The following ATP8A2 variants were observed in gnomAD, a reference collection of about 807,000 sequenced individuals.
ATP8A2 encodes the protein phospholipid-transporting ATPase IB.
A neutral mutation model predicts 165.6 loss-of-function variants in ATP8A2; 100 were observed. That is an observed-to-expected ratio of 0.60 (90% CI 0.51 to 0.71). ATP8A2 has a LOEUF of 0.71. ATP8A2 is among the 30% of genes least tolerant of loss of function. The probability of loss-of-function intolerance (pLI) is 0.00; values close to 1 mark genes in which losing one functional copy is unlikely to be tolerated. For missense variants in ATP8A2, 1,227 were observed against 1,479.5 expected (o/e 0.83, Z 2.80); for synonymous variants, 543 against 548.8 (o/e 0.99, Z 0.15).
chr13:25,482,061 G>A (rs916103134), intron 2 of ATP8A2, among the ~76,000 whole-genome samples: 12 of 152,086 alleles, frequency 7.9e-5, no homozygotes, highest in Admixed American at 1.3e-4. Flanking sequence ...ATAGAATTAC[G>A]TTGGGACACC....
At position 25,794,428 on chromosome 13, in the gene ATP8A2, C is replaced by T. The variant is rs531876701; in HGVS notation, c.2679+19469C>T. Among the ~76,000 whole-genome samples the T allele has an allele frequency of 1.4e-3, 217 of 152,290 alleles. 2 individuals are homozygous for T. Among genetic ancestry groups the T allele is most frequent in the Middle Eastern group, 6.8e-3 (2 of 294 alleles). ...CCCAGACTCAAAAATGACACCCTTT[C>T]GTATGATTTTGTATAAATGCATGAT... On this transcript the variant is annotated intron_variant, in intron 27 of 36. Transcript: ENST00000381655.
intron 25 of ATP8A2, among the ~76,000 whole-genome samples, chr13:25,716,124 C>A (rs1445264713): frequency 6.6e-6 from 1 of 152,172 alleles, no homozygotes; most frequent in African/African-American, 2.4e-5. Context: ...ACCAGAATAT[C>A]TTCCTTGGGA....
intron 25 of ATP8A2, among the ~76,000 whole-genome samples, chr13:25,733,692 G>T (rs1439678606): frequency 1.3e-5 from 2 of 152,118 alleles, no homozygotes; most frequent in African/African-American, 4.8e-5. Context: ...TGAAAACATT[G>T]TATCACTTAA....
Position 25,540,369 on chromosome 13 carries a change from C to T in ATP8A2, c.632C>T (p.Thr211Met), listed in dbSNP as rs367698939. ...GAAACAGCTAATCTGGATGGGGAGA[C>T]GAACCTTAAAATACGTCAGGTAAAG... ...YVETANLDGE[T>M]NLKIRQGLSH... is the part of the protein sequence containing the mutation. Residue 211 changes from threonine (T) to methionine (M), a missense_variant, in exon 8 of 37, where the codon ACG becomes ATG. Thr to Met is a moderately conservative substitution (Grantham distance 81). Around this residue, in one of 5 missense-constraint regions of ATP8A2, gnomAD observed 356 missense variants for 394.9 expected, o/e 0.90. Transcript: ENST00000381655. 1.4e-5 allele frequency: 22 copies of T among 1,613,330 alleles called. No individual in the cohort carries two copies. The highest frequency in any genetic ancestry group is 2.7e-5 in the African/African-American group (2 of 74,886).
chr13:25,596,614 C>T (rs902723411), intron 24 of ATP8A2, among the ~76,000 whole-genome samples: 3 of 151,918 alleles, frequency 2.0e-5, no homozygotes, highest in African/African-American at 4.8e-5. Flanking sequence ...TTCCTTTTTT[C>T]GCTGGGTATT....
At chr13:25,630,857 C>T (rs114318265) in intron 24 of ATP8A2, among the ~76,000 whole-genome samples, 110 of 152,050 alleles carry the variant, frequency 7.2e-4, no homozygotes, top group African/African-American at 2.5e-3. Context: ...CCTTAGGGTC[C>T]GCTTTCTCAT....
chr13:25,907,236 C>G (rs540737845), intron 33 of ATP8A2, among the ~76,000 whole-genome samples: 1 of 151,766 alleles, frequency 6.6e-6, no homozygotes, highest in Non-Finnish European at 1.5e-5. Flanking sequence ...GGCGACAGAG[C>G]GAGACTCCAT....
At chr13:26,019,603 C>T (rs1268888177) in intron 36 of ATP8A2, among the ~76,000 whole-genome samples, 1 of 152,172 alleles carries the variant, frequency 6.6e-6, no homozygotes, top group Non-Finnish European at 1.5e-5. Context: ...GATTCCCACA[C>T]TGAGCTCAGC....
intron 25 of ATP8A2, among the ~76,000 whole-genome samples, chr13:25,700,912 A>G (rs1415299459): frequency 2.6e-5 from 4 of 152,230 alleles, no homozygotes; most frequent in South Asian, 4.1e-4. Flanking sequence ...GTGGTATCGC[A>G]TTGTCCTTTT....
At chr13:25,571,518 A>T in intron 17 of ATP8A2, 92 bp from the exon 18 acceptor site, 1 of 890,034 alleles carries the variant, frequency 1.1e-6, no homozygotes, top group Non-Finnish European at 1.8e-6. Flanking sequence ...CTCCTTCAGT[A>T]GAGCGGATTT....
At chr13:25,626,203 A>G (rs1477685535) in intron 24 of ATP8A2, among the ~76,000 whole-genome samples, 2 of 152,138 alleles carry the variant, frequency 1.3e-5, no homozygotes, top group Admixed American at 6.5e-5. Context: ...GTCTTGGTCA[A>G]TTTTCTGTTG....
chr13:25,702,421 A>G (rs1378997245), intron 25 of ATP8A2, among the ~76,000 whole-genome samples: 1 of 152,188 alleles, frequency 6.6e-6, no homozygotes, highest in Admixed American at 6.5e-5. Context: ...TATTTTCCAT[A>G]TGGTTAAAAT....
intron 24 of ATP8A2, among the ~76,000 whole-genome samples, chr13:25,616,232 A>G (rs774558061): frequency 1.3e-5 from 2 of 151,722 alleles, no homozygotes; most frequent in East Asian, 1.9e-4. Context: ...CCACCCAACA[A>G]TCTTCCAGTC....
At chr13:25,839,243 A>G (rs566540148) in intron 29 of ATP8A2, among the ~76,000 whole-genome samples, 1 of 152,320 alleles carries the variant, frequency 6.6e-6, no homozygotes, top group African/African-American at 2.4e-5. Flanking sequence ...AATGCTAAAG[A>G]AAACTGATCA....
chr13:25,623,098 G>T (rs2041012878), intron 24 of ATP8A2, among the ~76,000 whole-genome samples: 1 of 152,138 alleles, frequency 6.6e-6, no homozygotes, highest in African/African-American at 2.4e-5. Context: ...AAAATGCCAG[G>T]ACTGGCCACG....
At chr13:25,757,385 C>T (rs2044285518) in intron 25 of ATP8A2, among the ~76,000 whole-genome samples, 1 of 152,210 alleles carries the variant, frequency 6.6e-6, no homozygotes, top group Non-Finnish European at 1.5e-5. Context: ...AGCTGAGTCA[C>T]TCTCATCTAA....
chr13:25,980,053 G>A (rs1286717382), intron 35 of ATP8A2, among the ~76,000 whole-genome samples: 3 of 152,156 alleles, frequency 2.0e-5, no homozygotes, highest in Admixed American at 1.3e-4. Context: ...AATGAAGAAC[G>A]GACAGTCATG....
At position 25,660,468 on chromosome 13, in the gene ATP8A2, A is replaced by G. The variant is rs2042025651; in HGVS notation, c.2212-38705A>G. On this transcript the variant is annotated intron_variant, in intron 24 of 36. Transcript: ENST00000381655. ...GAGAAATAGCTAGCAAGCAAGTTGG[A>G]TCAATTTTAATATCAAATCACACTC... 3.3e-5 allele frequency among the ~76,000 whole-genome samples: 5 copies of G among 152,192 alleles called. No individual in the cohort carries two copies. The South Asian group carries it at 8.3e-4, about 25-fold the overall frequency.
At chr13:25,507,019 T>C (rs1593421777) in intron 2 of ATP8A2, among the ~76,000 whole-genome samples, 1 of 150,670 alleles carries the variant, frequency 6.6e-6, no homozygotes, top group African/African-American at 2.4e-5. Flanking sequence ...TGTATATCTG[T>C]ATATCTGTGT....
Sources: allele counts gnomAD v4.1 joint callset (sites outside exome capture counted in the v4.1 genomes callset), GRCh38; gene constraint gnomAD v4.1.1; regional missense constraint gnomAD v4.1.1; transcripts MANE v1.5; gene names NCBI Gene and HGNC (gene_info 2026-07-23, HGNC 2026-07-21).